Variants in PPP2R2B observed in about 807,000 individuals in gnomAD.
PPP2R2B encodes protein phosphatase 2 regulatory subunit Bbeta.
A neutral mutation model predicts 46.0 loss-of-function variants in PPP2R2B; 5 were observed. The observed-to-expected ratio is 0.11, with a 90% CI of 0.06 to 0.23. The LOEUF (loss-of-function observed/expected upper bound fraction) is 0.23, where lower values mean the gene tolerates loss of function less well. Ranked by LOEUF, PPP2R2B falls within the 10% of genes least tolerant of loss-of-function variation. The pLI, the probability that PPP2R2B is intolerant of heterozygous loss-of-function variation, is 1.00. For missense variants in PPP2R2B, 367 were observed against 575.0 expected (o/e 0.64, Z 3.70); for synonymous variants, 215 against 206.7 (o/e 1.04, Z -0.34).
intron 2 of PPP2R2B, among the ~76,000 whole-genome samples, chr5:146,713,143 A>G (rs1306246633): frequency 6.6e-6 from 1 of 152,208 alleles, no homozygotes; most frequent in African/African-American, 2.4e-5. Context: ...TGGTTGTGAC[A>G]GACTTCATGG....
intron 1 of PPP2R2B, among the ~76,000 whole-genome samples, chr5:146,960,298 A>G (rs541774978): frequency 6.6e-6 from 1 of 152,084 alleles, no homozygotes; most frequent in African/African-American, 2.4e-5. Context: ...AGACATACAC[A>G]TGCTTTTTTT....
chr5:146,593,701 C>T (rs1047628641), intron 8 of PPP2R2B, among the ~76,000 whole-genome samples: 1 of 152,004 alleles, frequency 6.6e-6, no homozygotes, highest in Non-Finnish European at 1.5e-5. Context: ...GGAAGGCTCT[C>T]CAAGCATAGG....
intron 2 of PPP2R2B, among the ~76,000 whole-genome samples, chr5:146,773,377 G>A (rs367879893): frequency 6.6e-6 from 1 of 152,276 alleles, no homozygotes. Flanking sequence ...CAAAAGGCTT[G>A]CACAAAGCAG....
At chr5:146,649,919 T>G (rs1260466507) in intron 6 of PPP2R2B, among the ~76,000 whole-genome samples, 1 of 152,104 alleles carries the variant, frequency 6.6e-6, no homozygotes, top group Non-Finnish European at 1.5e-5. Flanking sequence ...TATAGGTGAG[T>G]TCAACCTCTG....
At chr5:146,800,917 T>TACACAC (rs148564633) in intron 2 of PPP2R2B, among the ~76,000 whole-genome samples, 38 of 145,426 alleles carry the variant, frequency 2.6e-4, no homozygotes, top group African/African-American at 6.8e-4. Flanking sequence ...TATGTGTACA[T>TACACAC]ACACACACAC....
At chr5:146,858,628 T>C (rs756386227) in intron 2 of PPP2R2B, among the ~76,000 whole-genome samples, 2 of 152,176 alleles carry the variant, frequency 1.3e-5, no homozygotes, top group Non-Finnish European at 2.9e-5. Context: ...GTGACTAGTT[T>C]CTGGGGATCA....
chr5:146,874,371 A>T (rs530666837), intron 2 of PPP2R2B, among the ~76,000 whole-genome samples: 1 of 152,344 alleles, frequency 6.6e-6, no homozygotes, highest in East Asian at 1.9e-4. Context: ...TCTTCCTTTA[A>T]TATGTATAAA....
chr5:146,851,312 T>C (rs1347974175), intron 2 of PPP2R2B, among the ~76,000 whole-genome samples: 4 of 152,162 alleles, frequency 2.6e-5, no homozygotes, highest in African/African-American at 9.7e-5. Context: ...ATTTACTAGA[T>C]TCCAGGCACT....
intron 7 of PPP2R2B, among the ~76,000 whole-genome samples, chr5:146,634,990 T>C (rs1774712697): frequency 6.6e-6 from 1 of 152,186 alleles, no homozygotes; most frequent in African/African-American, 2.4e-5. Context: ...TCGAACATCT[T>C]ATGTCTGCAG....
At chr5:146,893,282 T>G (rs1762545042) in intron 1 of PPP2R2B, among the ~76,000 whole-genome samples, 1 of 152,200 alleles carries the variant, frequency 6.6e-6, no homozygotes, top group African/African-American at 2.4e-5. Context: ...TTTCTTTGTG[T>G]CAGTTATGTA....
At chr5:146,760,209 A>G (rs1293120200) in intron 2 of PPP2R2B, among the ~76,000 whole-genome samples, 1 of 152,234 alleles carries the variant, frequency 6.6e-6, no homozygotes, top group Non-Finnish European at 1.5e-5. Context: ...GAACTATGCC[A>G]AGTGCTTTAT....
chr5:147,062,537 G>C (rs1167793365), intron 2 of PPP2R2B, among the ~76,000 whole-genome samples: 1 of 152,056 alleles, frequency 6.6e-6, no homozygotes, highest in Non-Finnish European at 1.5e-5. Context: ...AGTTTACACA[G>C]AGACATTAAA....
intron 2 of PPP2R2B, among the ~76,000 whole-genome samples, chr5:147,073,209 GT>G (rs919708976): frequency 3.9e-5 from 6 of 152,122 alleles, no homozygotes; most frequent in Non-Finnish European, 7.3e-5. Context: ...TAGCCATGGA[GT>G]TTTTTTCTCC....
intron 1 of PPP2R2B, among the ~76,000 whole-genome samples, chr5:147,053,016 T>C (rs1580860926): frequency 1.3e-5 from 2 of 151,906 alleles, no homozygotes; most frequent in African/African-American, 4.8e-5. Flanking sequence ...TAAATACAAG[T>C]GAACGCTGGT....
rs1755053461 is a variant in PPP2R2B at position 147,017,371 on chromosome 5, A to G, written c.79+38294T>C. Among the ~76,000 whole-genome samples the G allele has an allele frequency of 1.3e-5, 2 of 151,602 alleles. 1 individual carries two copies. Among genetic ancestry groups the G allele is most frequent in the South Asian group, 4.2e-4 (2 of 4,810 alleles). On this transcript the variant is annotated intron_variant, in intron 1 of 8. Transcript: ENST00000336640. Reference sequence around the variant, plus strand: ...GGGAGATGACAGTTCAGTTTCAGTCACACTGGAACGTCTGTGCTTAGCATC... The same window carrying G: ...GGGAGATGACAGTTCAGTTTCAGTCGCACTGGAACGTCTGTGCTTAGCATC...
At position 146,912,008 on chromosome 5, in the gene PPP2R2B, C is replaced by T. The variant is rs180993612; in HGVS notation, c.79+143657G>A. 5.4e-3 allele frequency among the ~76,000 whole-genome samples: 823 copies of T among 152,142 alleles called. 8 individuals are homozygous for T. The highest frequency in any genetic ancestry group is 0.019 in the African/African-American group (800 of 41,536). ...ATCCCAGCACTTTGGGAGGCTGAGG[C>T]GGGCAGATTGCCTGAGCTCAGGAGT... On this transcript the variant is annotated intron_variant, in intron 1 of 8. Coordinates refer to the PPP2R2B transcript ENST00000336640.
Position 146,878,489 on chromosome 5 carries a change from A to G in PPP2R2B, c.-125+102T>C. 2 of 1,342,110 alleles carry G rather than the reference A, an allele frequency of 1.5e-6. No homozygotes were observed. The highest frequency in any genetic ancestry group is 1.9e-6 in the Non-Finnish European group (2 of 1,040,556). The allele number at this position is 1,342,110 out of a possible 1,614,324, so 83.1% of individuals were successfully genotyped here. On this transcript the variant is annotated intron_variant, in intron 1 of 9. Transcript: ENST00000394411. The surrounding 1 kb of genome is among the most constrained non-coding windows in gnomAD (Gnocchi z 4.5). The stretch of plus-strand genomic sequence containing the variant: ...TGGCAGCCGCTCCAAAATGCAAAAA[A>G]GATCCCTCCTCCCCCTGGGAGAGCG...
chr5:146,666,117 T>C (rs1418616959), intron 5 of PPP2R2B, among the ~76,000 whole-genome samples: 3 of 152,210 alleles, frequency 2.0e-5, no homozygotes, highest in Non-Finnish European at 4.4e-5. Flanking sequence ...TGATTTAATG[T>C]CATAGCTTAT....
chr5:146,996,240 C>A (rs1333844707), intron 1 of PPP2R2B, among the ~76,000 whole-genome samples: 1 of 152,100 alleles, frequency 6.6e-6, no homozygotes, highest in Non-Finnish European at 1.5e-5. Flanking sequence ...GACGGGGAAG[C>A]CTTCACAGAA....
Sources: gnomAD v4.1 joint callset for allele counts (sites outside exome capture counted in the v4.1 genomes callset) on GRCh38, gnomAD v4.1.1 for gene constraint, Gnocchi (gnomAD v3.1) non-coding constraint, MANE v1.5 for transcripts, NCBI Gene and HGNC (gene_info 2026-07-23, HGNC 2026-07-21) for gene names.